The following SYNE2 variants were observed in gnomAD, a reference collection of about 807,000 sequenced individuals.
SYNE2 encodes spectrin repeat containing nuclear envelope protein 2, also known as nesprin-2.
A neutral mutation model predicts 856.3 loss-of-function variants in SYNE2; 431 were observed. The observed-to-expected ratio is 0.50, with a 90% CI of 0.47 to 0.55. SYNE2 has a LOEUF of 0.55. Among genes scored for constraint, SYNE2 ranks in the 20% least tolerant of loss-of-function variants. The pLI is 0.00. For synonymous variants in SYNE2, 2,923 were observed against 2,872.3 expected, an observed-to-expected ratio of 1.02 and a Z score of -0.56; for missense variants, 8,129 against 8,023.2, an observed-to-expected ratio of 1.01 and a Z score of -0.50.
At position 64,223,397 on chromosome 14, in the gene SYNE2, C is replaced by CT; in HGVS notation, c.20382+21dup. 1 of 1,612,976 alleles carries CT rather than the reference C, an allele frequency of 6.2e-7. No homozygotes were observed. The highest frequency in any genetic ancestry group is 8.5e-7 in the Non-Finnish European group (1 of 1,179,442). ...GGAACCCAGGTGAGTCTACTTGTAG[C>CT]TTTTAACTGTAAAGATTGCCGTATT... is the stretch of plus-strand genomic sequence containing the variant. On this transcript the variant is annotated intron_variant, in intron 113 of 115. Transcript: ENST00000555002.
At chr14:63,827,096 G>T (rs1889459100) in intron 1 of SYNE2, among the ~76,000 whole-genome samples, 1 of 148,958 alleles carries the variant, frequency 6.7e-6, no homozygotes. Context: ...AGGCCAACAT[G>T]GTGAAACCCT....
intron 43 of SYNE2, 145 bp downstream of exon 43, chr14:64,027,938 C>CAAA: frequency 1.4e-6 from 1 of 718,694 alleles, no homozygotes; most frequent in Non-Finnish European, 2.2e-6. Flanking sequence ...GACAGGGTCT[C>CAAA]ACTCTTTGCC....
At chr14:64,199,528 G>C (rs1382084942) in intron 99 of SYNE2, among the ~76,000 whole-genome samples, 1 of 152,002 alleles carries the variant, frequency 6.6e-6, no homozygotes, top group African/African-American at 2.4e-5. Context: ...GACCAGCCTG[G>C]CCAACATGGG....
intron 45 of SYNE2, among the ~76,000 whole-genome samples, chr14:64,037,355 A>G (rs996982687): frequency 3.3e-5 from 5 of 150,708 alleles, no homozygotes; most frequent in African/African-American, 1.2e-4. Context: ...GCTGCCTTCA[A>G]GTATCTGTTT....
rs139656465 is a variant in SYNE2 at position 64,020,960 on chromosome 14, A to G, written c.5152-355A>G. Among the ~76,000 whole-genome samples, 935 of 152,292 alleles carry G rather than the reference A, an allele frequency of 6.1e-3. 15 individuals are homozygous for G. The highest frequency in any genetic ancestry group is 0.022 in the African/African-American group (907 of 41,550). ...ATGCTGTGTACATCATAAATACTCA[A>G]TAAAAAGCAGGCTGTTTAATTTTTT... On this transcript the variant is annotated intron_variant, in intron 35 of 115. Transcript: ENST00000555002.
At chr14:63,772,911 T>G (rs12878001) in intron 1 of SYNE2, among the ~76,000 whole-genome samples, 34,785 of 151,092 alleles carry the variant, frequency 0.23, 4,902 homozygotes, top group African/African-American at 0.4. Flanking sequence ...CCGAGTAGCT[T>G]GGATTACAGG....
intron 38 of SYNE2, 82 bp from the exon 39 acceptor site, chr14:64,024,175 G>A: frequency 4.0e-6 from 5 of 1,240,068 alleles, no homozygotes; most frequent in Non-Finnish European, 1.2e-6. Context: ...CTGTGTACTG[G>A]TTTGGAAAAG....
Position 64,102,192 on chromosome 14 carries a change from C to T in SYNE2, c.12492+150C>T, listed in dbSNP as rs142814954. 4.6e-4 allele frequency: 287 copies of T among 629,804 alleles called. 1 individual carries two copies. In the African/African-American group the frequency reaches 4.7e-3, roughly 10 times the overall value. The allele number at this position is 629,804 out of a possible 1,614,324, so 39.0% of individuals were successfully genotyped here. A position where few individuals can be genotyped will look rare whatever the true frequency, so the allele number is the denominator to read the frequency against. Reference sequence around the variant, plus strand: ...AGTGCAGTCGTATGATCTCAGCTCACTGCAACCTCCGCCTCTTAGGTTCAA... The same window carrying T: ...AGTGCAGTCGTATGATCTCAGCTCATTGCAACCTCCGCCTCTTAGGTTCAA... On this transcript the variant is annotated intron_variant, in intron 64 of 115. Transcript: ENST00000555002.
Position 64,209,476 on chromosome 14 carries a change from T to G in SYNE2, c.18438T>G (p.Ser6146=). The change falls in exon 102 of 116, where the codon TCT becomes TCG. Residue 6146 remains serine, a synonymous_variant. Coordinates refer to ENST00000555002, the MANE Select transcript of SYNE2 (RefSeq NM_182914.3). ...RLWQKFLDDY[S]RFEDWLKSAE... is the part of the protein sequence containing the mutation. ...GGCAGAAGTTTTTAGACGACTATTCTCGCTTTGAGGACTGGCTCAAGTCAG... is the reference window on the plus strand; with the variant it reads ...GGCAGAAGTTTTTAGACGACTATTCGCGCTTTGAGGACTGGCTCAAGTCAG... 6.2e-7 allele frequency: 1 copy of G among 1,614,234 alleles called. No homozygotes were observed. The highest frequency in any genetic ancestry group is 8.5e-7 in the Non-Finnish European group (1 of 1,180,038).
At chr14:64,149,045 C>T (rs2098215927) in intron 84 of SYNE2, among the ~76,000 whole-genome samples, 1 of 150,172 alleles carries the variant, frequency 6.7e-6, no homozygotes, top group African/African-American at 2.5e-5. Flanking sequence ...CAGTTGCTCA[C>T]ACCTGTAATC....
At chr14:64,047,006 A>C (rs565006528) in intron 45 of SYNE2, among the ~76,000 whole-genome samples, 1 of 152,368 alleles carries the variant, frequency 6.6e-6, no homozygotes, top group South Asian at 2.1e-4. Context: ...CATGTGGAGC[A>C]GTTGCCCTCC....
At chr14:63,853,402 G>A (rs1890872671) in intron 1 of SYNE2, among the ~76,000 whole-genome samples, 1 of 151,442 alleles carries the variant, frequency 6.6e-6, no homozygotes, top group Admixed American at 6.6e-5. Context: ...AGCGCCAGCG[G>A]GTGGCGTTTG....
intron 99 of SYNE2, among the ~76,000 whole-genome samples, chr14:64,195,011 G>A (rs1037188313): frequency 3.3e-5 from 5 of 152,146 alleles, no homozygotes; most frequent in Non-Finnish European, 2.9e-5. Context: ...CTTGTCCTAT[G>A]AACCAGAGCT....
intron 1 of SYNE2, among the ~76,000 whole-genome samples, chr14:63,764,695 A>T (rs547407632): frequency 6.6e-6 from 1 of 151,948 alleles, no homozygotes; most frequent in South Asian, 2.1e-4. Flanking sequence ...TAAGCACTGC[A>T]TGCCTTAGGT....
rs866004634 is a variant in SYNE2, at chr14:64,106,137, C to G, written c.12493-1354C>G. 1.8e-3 allele frequency among the ~76,000 whole-genome samples: 271 copies of G among 148,254 alleles called. 2 individuals are homozygous for G. The highest frequency in any genetic ancestry group is 6.2e-3 in the African/African-American group (255 of 41,010). ...ACATGGAATTGCATTTCCAGACCCC[C>G]CCCCCCAACCAACACACAAGCTGAT... On this transcript the variant is annotated intron_variant, in intron 64 of 115. Transcript: ENST00000555002.
intron 1 of SYNE2, among the ~76,000 whole-genome samples, chr14:63,835,983 C>CA (rs369182135): frequency 0.019 from 2,480 of 128,036 alleles, 63 homozygotes; most frequent in East Asian, 0.054. Context: ...AACTCTGTCT[C>CA]AAAAAAAAAA....
chr14:63,803,638 G>A (rs965265106), intron 1 of SYNE2, among the ~76,000 whole-genome samples: 2 of 152,146 alleles, frequency 1.3e-5, no homozygotes, highest in Admixed American at 1.3e-4. Flanking sequence ...TCCTGCTCGC[G>A]CCTCTCCCTC....
At chr14:63,987,339 A>G (rs976169824) in intron 19 of SYNE2, among the ~76,000 whole-genome samples, 2 of 151,974 alleles carry the variant, frequency 1.3e-5, no homozygotes, top group Non-Finnish European at 2.9e-5. Context: ...TACTCAATGC[A>G]GGGAGAGTGA....
At chr14:64,199,680 T>C (rs1277766168) in intron 99 of SYNE2, among the ~76,000 whole-genome samples, 1 of 136,138 alleles carries the variant, frequency 7.3e-6, no homozygotes, top group Non-Finnish European at 1.5e-5. Context: ...GTCGCAGCAC[T>C]GCACTCCAGC....
Sources: allele counts gnomAD v4.1 joint callset (sites outside exome capture counted in the v4.1 genomes callset), GRCh38; gene constraint gnomAD v4.1.1; transcripts MANE v1.5; gene names NCBI Gene and HGNC (gene_info 2026-07-23, HGNC 2026-07-21).